Variants in EFEMP2 observed in about 807,000 individuals in gnomAD.
EFEMP2 encodes EGF-like fibulin extracellular matrix protein 2, also known as EGF-containing fibulin-like extracellular matrix protein 2.
In EFEMP2, 21 loss-of-function variants were observed where a neutral mutation model predicts 55.3. That is an observed-to-expected ratio of 0.38 (90% CI 0.27 to 0.55). The LOEUF is 0.55. Ranked by LOEUF, EFEMP2 falls within the 20% of genes least tolerant of loss-of-function variation. EFEMP2 has a pLI of 0.77. For synonymous variants in EFEMP2, 275 were observed against 242.3 expected, an observed-to-expected ratio of 1.14 and a Z score of -1.25; for missense variants, 513 against 615.1, an observed-to-expected ratio of 0.83 and a Z score of 1.76.
intron 9 of EFEMP2, 44 bp from the exon 10 acceptor site, chr11:65,868,100 T>TC (rs1565272879): frequency 6.3e-7 from 1 of 1,598,876 alleles, no homozygotes; most frequent in East Asian, 2.2e-5. Flanking sequence ...TCCTTGCCCG[T>TC]CCCCCCAATT....
At position 65,870,669 on chromosome 11, in the gene EFEMP2, C is replaced by T. The variant is rs181514768; in HGVS notation, c.368-11G>A. ...CACACTCGTCCACATCTGCGAGAGA[C>T]ACCACTCAGCCCCTGCCTGGGATCC... On this transcript the variant is annotated splice_polypyrimidine_tract_variant and intron_variant, in intron 4 of 10. Transcript: ENST00000307998. 4.1e-3 allele frequency: 6,645 copies of T among 1,613,912 alleles called. 22 individuals are homozygous for T. The highest frequency in any genetic ancestry group is 5.0e-3 in the Non-Finnish European group (5,893 of 1,179,990).
chr11:65,872,142 C>T (rs1001945442), intron 2 of EFEMP2, 102 bp downstream of exon 2: 29 of 1,497,836 alleles, frequency 1.9e-5, no homozygotes, highest in Admixed American at 5.9e-5. Context: ...CAGCTCTCCA[C>T]CAGCCAGGGG....
At chr11:65,867,185 C>T in intron 10 of EFEMP2, 106 bp from the exon 11 acceptor site, 1 of 1,436,178 alleles carries the variant, frequency 7.0e-7, no homozygotes, top group Non-Finnish European at 9.6e-7. Flanking sequence ...AGAGGAACAG[C>T]CCTGGCCAGG....
intron 3 of EFEMP2, chr11:65,871,726 G>A (rs1290981679): frequency 1.8e-5 from 11 of 610,148 alleles, no homozygotes; most frequent in Non-Finnish European, 2.9e-5. Flanking sequence ...CAGAGAAGGC[G>A]TACAGGATCC....
rs145853251 is a variant in EFEMP2 at position 65,870,158 on chromosome 11, C to A, written c.570G>T (p.Pro190=). ...GGTTGTTAGGCCCCAGCTGGAAGCC[C>A]GGCTCGCACTGGCAGCGGAAGGAGC... is the stretch of plus-strand genomic sequence containing the variant. ...LPGSFRCQCE[P]GFQLGPNNRS... is the part of the protein sequence containing the mutation. Residue 190 remains proline, a synonymous_variant, in exon 6 of 11, where the codon CCG becomes CCT. Transcript: ENST00000307998. 23 of 1,613,722 alleles carry A rather than the reference C, an allele frequency of 1.4e-5. No individual in the cohort carries two copies. The South Asian group carries it at 2.2e-4, about 15-fold the overall frequency.
intron 4 of EFEMP2, 84 bp from the exon 5 acceptor site, chr11:65,870,742 C>T (rs1859951546): frequency 1.9e-6 from 3 of 1,598,030 alleles, no homozygotes; most frequent in South Asian, 1.1e-5. Flanking sequence ...GTATTCGGTT[C>T]TCTCAACAGC....
intron 10 of EFEMP2, chr11:65,867,427 AAG>A (rs1198074815): frequency 1.1e-5 from 5 of 436,436 alleles, no homozygotes; most frequent in Non-Finnish European, 2.1e-5. Flanking sequence ...TTCAAAAAGA[AAG>A]AGAAGGGCTG....
chr11:65,870,452 G>T, intron 5 of EFEMP2, 84 bp downstream of exon 5: 1 of 1,594,456 alleles, frequency 6.3e-7, no homozygotes, highest in South Asian at 1.1e-5. Context: ...GGTGAAGCCT[G>T]GCTTGAATGG....
rs145853251 is a variant in EFEMP2, at chr11:65,870,158, C to T, written c.570G>A (p.Pro190=). Residue 190 remains proline, a synonymous_variant, in exon 6 of 11, where the codon CCG becomes CCA. Transcript: ENST00000307998. ...GGTTGTTAGGCCCCAGCTGGAAGCC[C>T]GGCTCGCACTGGCAGCGGAAGGAGC... ...LPGSFRCQCE[P]GFQLGPNNRS... is the part of the protein sequence containing the mutation. 9.0e-5 allele frequency: 145 copies of T among 1,613,840 alleles called. No homozygotes were observed. The African/African-American group carries it at 1.4e-3, about 16-fold the overall frequency.
In EFEMP2 at chr11:65,868,277, G is replaced by A; in HGVS notation, c.974+18C>T. 6.2e-7 allele frequency: 1 copy of A among 1,613,358 alleles called. No homozygotes were observed. Among genetic ancestry groups the A allele is most frequent in the South Asian group, 1.1e-5 (1 of 91,012 alleles). Reference sequence around the variant, plus strand: ...GGAGACGTAGTTTCTGTGGGGGCCTGGCATCGAATTGACTCACTTCTCAGA... The same window carrying A: ...GGAGACGTAGTTTCTGTGGGGGCCTAGCATCGAATTGACTCACTTCTCAGA... On this transcript the variant is annotated intron_variant, in intron 9 of 10. Transcript: ENST00000307998.
At chr11:65,870,961 G>T in intron 4 of EFEMP2, 196 bp downstream of exon 4, 1 of 754,366 alleles carries the variant, frequency 1.3e-6, no homozygotes, top group Non-Finnish European at 2.2e-6. Context: ...GCAACCGAGG[G>T]GAGGGGCCCG....
chr11:65,871,035 T>C, intron 4 of EFEMP2, 122 bp downstream of exon 4: 2 of 1,204,672 alleles, frequency 1.7e-6, no homozygotes, highest in Non-Finnish European at 2.4e-6. Flanking sequence ...ACAACATGAG[T>C]GTCTGGATGA....
chr11:65,870,274 G>T, intron 5 of EFEMP2, 37 bp from the exon 6 acceptor site: 1 of 1,589,460 alleles, frequency 6.3e-7, no homozygotes, highest in Non-Finnish European at 8.6e-7. Context: ...GCGGAGGGCA[G>T]AGGGCAGAGG....
At position 65,871,233 on chromosome 11, in the gene EFEMP2, C is replaced by CG; in HGVS notation, c.290dup (p.Pro98AlafsTer17). ...GGTGTTGAGCGGGAGGCACTGGTGG[C>CG]GGGGGTCCCTCGCCGTGTAGGTCGT... On this transcript the variant is annotated frameshift_variant, in exon 4 of 11. Transcript: ENST00000307998. LOFTEE classifies it high-confidence loss of function. The CG allele has an allele frequency of 6.2e-7, 1 of 1,613,984 alleles. No homozygotes were observed. Among genetic ancestry groups the CG allele is most frequent in the Non-Finnish European group, 8.5e-7 (1 of 1,179,902 alleles).
In EFEMP2 at chr11:65,868,637, A is replaced by C. The variant is rs1341197111; in HGVS notation, c.728-8T>G. On this transcript the variant is annotated splice_region_variant and splice_polypyrimidine_tract_variant and intron_variant, in intron 7 of 10. Coordinates refer to ENST00000307998, the MANE Select transcript of EFEMP2 (RefSeq NM_016938.5). ...AGCTACACTCATCAATATCTGAGGA[A>C]GCATGGGGATGGGGACCCCGGGTCA... 2 of 1,613,834 alleles carry C rather than the reference A, an allele frequency of 1.2e-6. No individual in the cohort carries two copies. Among genetic ancestry groups the C allele is most frequent in the Non-Finnish European group, 1.7e-6 (2 of 1,180,028 alleles).
At chr11:65,867,201 AC>A in intron 10 of EFEMP2, 122 bp from the exon 11 acceptor site, 3 of 1,189,130 alleles carry the variant, frequency 2.5e-6, no homozygotes, top group African/African-American at 1.5e-5. Flanking sequence ...CCAGGCTGCC[AC>A]CCCAGCCTCT....
intron 10 of EFEMP2, 183 bp downstream of exon 10, chr11:65,867,678 G>A: frequency 2.9e-6 from 2 of 683,618 alleles, no homozygotes; most frequent in South Asian, 1.6e-5. Flanking sequence ...TGCTTCGTTA[G>A]AATTGCATTT....
Position 65,868,590 on chromosome 11 carries a change from T to C in EFEMP2, c.767A>G (p.Tyr256Cys), listed in dbSNP as rs1591066108. 6.2e-7 allele frequency: 1 copy of C among 1,613,918 alleles called. No individual in the cohort carries two copies. Among genetic ancestry groups the C allele is most frequent in the Non-Finnish European group, 8.5e-7 (1 of 1,180,032 alleles). ...ECSYSSYLCQ[Y>C]RCINEPGRFS... Reference sequence around the variant, plus strand: ...ACGGCCTGGCTCGTTGATGCAGCGGTACTGACAGAGGTAGCTGGAGTAGCT... The same window carrying C: ...ACGGCCTGGCTCGTTGATGCAGCGGCACTGACAGAGGTAGCTGGAGTAGCT... Residue 256 changes from tyrosine (Y) to cysteine (C), a missense_variant, in exon 8 of 11, where the codon TAC (tyrosine) becomes TGC (cysteine). Tyr to Cys is a radical substitution (Grantham distance 194, BLOSUM62 -2). Coordinates refer to ENST00000307998, the MANE Select transcript of EFEMP2 (RefSeq NM_016938.5).
At chr11:65,870,976 T>C in intron 4 of EFEMP2, 181 bp downstream of exon 4, 2 of 799,084 alleles carry the variant, frequency 2.5e-6, no homozygotes, top group South Asian at 1.6e-5. Context: ...GGCCCGGAGC[T>C]GGCTGGAGCA....
Sources: gnomAD v4.1 joint callset for allele counts on GRCh38, gnomAD v4.1.1 for gene constraint, MANE v1.5 for transcripts, NCBI Gene and HGNC (gene_info 2026-07-23, HGNC 2026-07-21) for gene names.